Variants in MADD observed in about 807,000 individuals in gnomAD.
MADD encodes the protein MAP kinase activating death domain.
MADD carries 109 observed loss-of-function variants against 176.7 expected under a neutral mutation model. That is an observed-to-expected ratio of 0.62 (90% CI 0.53 to 0.72). The LOEUF is 0.72. Ranked by LOEUF, MADD falls within the 30% of genes least tolerant of loss-of-function variation. MADD has a pLI of 0.00. For synonymous variants in MADD, 771 were observed against 771.3 expected (o/e 1.00, Z 0.01); for missense variants, 1,914 against 2,045.5 (o/e 0.94, Z 1.24).
chr11:47,295,991 C>G (rs201347710), exon 22 of MADD: 56 of 1,614,130 alleles, frequency 3.5e-5, no homozygotes, highest in Non-Finnish European at 4.7e-5. Flanking sequence ...GTTCACCTGG[C>G]AAGCTCTCGG....
intron 10 of MADD, among the ~76,000 whole-genome samples, chr11:47,283,773 A>G (rs990767039): frequency 6.6e-6 from 1 of 151,942 alleles, no homozygotes; most frequent in African/African-American, 2.4e-5. Flanking sequence ...AGGTTTCACC[A>G]TGTTGGCCAG....
chr11:47,279,375 C>CTCAGTCTTTTTTT (rs2053970971), intron 7 of MADD, among the ~76,000 whole-genome samples: 1 of 144,232 alleles, frequency 6.9e-6, no homozygotes, highest in Non-Finnish European at 1.5e-5. Flanking sequence ...AGAACATTTT[C>CTCAGTCTTTTTTT]TCAGTCTTTT....
exon 28 of MADD, chr11:47,323,749 A>G: frequency 6.2e-7 from 1 of 1,614,208 alleles, no homozygotes; most frequent in Non-Finnish European, 8.5e-7. Flanking sequence ...GCTCATCAAC[A>G]TGACCTACTG....
At chr11:47,279,381 C>CTTTTTTTTTTTTTTTTTTTTT in intron 7 of MADD, among the ~76,000 whole-genome samples, 1 of 116,820 alleles carries the variant, frequency 8.6e-6, no homozygotes, top group Non-Finnish European at 1.7e-5. Context: ...TTTTCTCAGT[C>CTTTTTTTTTTTTTTTTTTTTT]TTTTTTTTTT....
At chr11:47,305,273 TTAGGG>T (rs2081697889) in intron 22 of MADD, among the ~76,000 whole-genome samples, 1 of 152,052 alleles carries the variant, frequency 6.6e-6, no homozygotes, top group African/African-American at 2.4e-5. Context: ...GTTTCCAGGC[TTAGGG>T]TCTCACAAAC....
At chr11:47,270,047 G>C (rs1021153630), upstream of MADD, 2 of 152,128 alleles carry the variant, frequency 1.3e-5, no homozygotes, top group East Asian at 3.9e-4. Context: ...GCTCGGCTCG[G>C]TGCAGCCCCG....
At chr11:47,309,008 G>A in intron 23 of MADD, 1 of 1,614,120 alleles carries the variant, frequency 6.2e-7, no homozygotes, top group Admixed American at 1.7e-5. Flanking sequence ...TGTGGGACCA[G>A]TTAGAGGATG....
At chr11:47,315,153 G>T in intron 26 of MADD, 67 bp from the exon 30 acceptor site, 1 of 889,190 alleles carries the variant, frequency 1.1e-6, no homozygotes, top group South Asian at 1.4e-5. Flanking sequence ...GCTGGATGGG[G>T]AATTCTTGGC....
upstream of MADD, chr11:47,269,849 C>G (rs1007230623): frequency 6.6e-6 from 1 of 152,132 alleles, no homozygotes; most frequent in African/African-American, 2.4e-5. Context: ...CCCATGTCGT[C>G]GAAACGGGCG....
intron 22 of MADD, 100 bp from the exon 25 acceptor site, chr11:47,308,491 G>C (rs1316751406): frequency 3.2e-5 from 24 of 746,504 alleles, no homozygotes; most frequent in Non-Finnish European, 1.4e-5. Context: ...GTTGCTAATG[G>C]ATGGTGACTG....
chr11:47,303,610 T>C (rs1323988627), intron 22 of MADD, among the ~76,000 whole-genome samples: 1 of 144,872 alleles, frequency 6.9e-6, no homozygotes, highest in East Asian at 2.0e-4. Flanking sequence ...GAGAGGCCTT[T>C]TTTTTTTTTT....
exon 33 of MADD, chr11:47,329,049 C>A: frequency 6.2e-7 from 1 of 1,613,324 alleles, no homozygotes; most frequent in East Asian, 2.2e-5. Flanking sequence ...CCTCTAGGCC[C>A]ACGAAATCTG....
At chr11:47,275,804 A>G in intron 3 of MADD, 95 bp from the exon 4 acceptor site, 4 of 1,212,926 alleles carry the variant, frequency 3.3e-6, no homozygotes, top group Non-Finnish European at 3.5e-6. Context: ...TCCGTTTCCC[A>G]TTGTCATCAT....
chr11:47,282,507 T>TC lies in MADD; in HGVS notation c.1600dup (p.Arg534ProfsTer24). On this transcript the variant is annotated frameshift_variant, in exon 9 of 33. Coordinates refer to ENST00000402192, the Ensembl canonical transcript of MADD. LOFTEE classifies it high-confidence loss of function. ...AAGCTGGCTCCTTTCTAGCCTCACG[T>TC]CCCCGGCAGACTCCTTTTGCCGAGA... 6.2e-7 allele frequency: 1 copy of TC among 1,614,138 alleles called. No homozygotes were observed. The highest frequency in any genetic ancestry group is 2.2e-5 in the East Asian group (1 of 44,882).
At chr11:47,286,072 C>T (rs1029010585) in intron 14 of MADD, among the ~76,000 whole-genome samples, 1 of 152,172 alleles carries the variant, frequency 6.6e-6, no homozygotes, top group African/African-American at 2.4e-5. Flanking sequence ...AGAGAGCGAA[C>T]GTAGAGGATC....
chr11:47,285,874 C>T (rs921923055), intron 14 of MADD, among the ~76,000 whole-genome samples: 2 of 152,194 alleles, frequency 1.3e-5, no homozygotes, highest in African/African-American at 4.8e-5. Context: ...CACACTTGTA[C>T]TTATATTTTG....
At chr11:47,278,364 T>C in intron 6 of MADD, 86 bp downstream of exon 6, 1 of 984,956 alleles carries the variant, frequency 1.0e-6, no homozygotes, top group Non-Finnish European at 1.6e-6. Context: ...CTAGATTCCT[T>C]TCAGGAACGT....
chr11:47,296,015 A>T, exon 22 of MADD: 1 of 1,614,168 alleles, frequency 6.2e-7, no homozygotes, highest in Non-Finnish European at 8.5e-7. Context: ...ACTTTGTCTG[A>T]TAGTGAAATT....
chr11:47,307,665 A>G (rs554365932), intron 22 of MADD, among the ~76,000 whole-genome samples: 3 of 147,544 alleles, frequency 2.0e-5, no homozygotes, highest in Admixed American at 6.8e-5. Flanking sequence ...TTTTTGTGAG[A>G]TGGAGTCTCA....
Sources: gnomAD v4.1 joint callset for allele counts (sites outside exome capture counted in the v4.1 genomes callset) on GRCh38, gnomAD v4.1.1 for gene constraint, MANE v1.5 for transcripts, NCBI Gene and HGNC (gene_info 2026-07-23, HGNC 2026-07-21) for gene names.